CLSTN2: variants seen among roughly 807,000 people sequenced by gnomAD.
The protein encoded by CLSTN2 is calsyntenin 2.
CLSTN2 carries 48 observed loss-of-function variants against 101.2 expected under a neutral mutation model. The ratio of observed to expected loss-of-function variants is 0.47; its 90% CI spans 0.38 to 0.60. The LOEUF is 0.60. CLSTN2 is among the 20% of genes least tolerant of loss of function. The pLI, the probability that CLSTN2 is intolerant of heterozygous loss-of-function variation, is 0.00. For missense variants in CLSTN2, 1,160 were observed against 1,238.2 expected (o/e 0.94, Z 0.95); for synonymous variants, 481 against 463.6 (o/e 1.04, Z -0.48).
chr3:139,947,549 T>C (rs1361551845), intron 1 of CLSTN2, among the ~76,000 whole-genome samples: 1 of 152,214 alleles, frequency 6.6e-6, no homozygotes, highest in African/African-American at 2.4e-5. Flanking sequence ...TATGATGCTT[T>C]TATTTGTGGG....
intron 1 of CLSTN2, among the ~76,000 whole-genome samples, chr3:140,050,910 T>C (rs974925198): frequency 4.6e-4 from 70 of 152,176 alleles, no homozygotes; most frequent in African/African-American, 1.6e-3. Context: ...TTGTTACTGT[T>C]GGGGTTTTGA....
chr3:140,504,541 G>A (rs1305517504), intron 8 of CLSTN2, among the ~76,000 whole-genome samples: 1 of 152,176 alleles, frequency 6.6e-6, no homozygotes, highest in Non-Finnish European at 1.5e-5. Flanking sequence ...GGCCTTCCCA[G>A]TCTTGTTCTA....
chr3:140,160,814 A>G (rs2010033556), intron 1 of CLSTN2, among the ~76,000 whole-genome samples: 1 of 152,238 alleles, frequency 6.6e-6, no homozygotes, highest in South Asian at 2.1e-4. Context: ...ATAGCTTTCA[A>G]AATACACCCA....
intron 2 of CLSTN2, among the ~76,000 whole-genome samples, chr3:140,241,074 G>A (rs943605369): frequency 2.0e-5 from 3 of 152,140 alleles, no homozygotes; most frequent in African/African-American, 7.2e-5. Context: ...GTGACTTGTA[G>A]TTATGGTTCT....
At chr3:140,226,600 G>T (rs565970252) in intron 2 of CLSTN2, among the ~76,000 whole-genome samples, 131 of 152,200 alleles carry the variant, frequency 8.6e-4, no homozygotes, top group South Asian at 1.5e-3. Context: ...TTGGAAAAAA[G>T]ATGTTAGAAA....
At chr3:140,479,711 C>A (rs886665807) in intron 8 of CLSTN2, among the ~76,000 whole-genome samples, 1 of 151,946 alleles carries the variant, frequency 6.6e-6, no homozygotes, top group African/African-American at 2.4e-5. Context: ...ATATGGATTT[C>A]GCACATAAGA....
chr3:140,329,932 G>A (rs1241803731), intron 2 of CLSTN2, among the ~76,000 whole-genome samples: 1 of 152,248 alleles, frequency 6.6e-6, no homozygotes. Context: ...TGTTCAGGGA[G>A]GAATGGCCCT....
intron 1 of CLSTN2, among the ~76,000 whole-genome samples, chr3:140,163,079 G>C (rs534153830): frequency 6.6e-6 from 1 of 152,260 alleles, no homozygotes; most frequent in South Asian, 2.1e-4. Flanking sequence ...GTGATGATTA[G>C]TTTGTGATAT....
chr3:140,215,334 AG>A (rs1219687855), intron 2 of CLSTN2, among the ~76,000 whole-genome samples: 3 of 152,212 alleles, frequency 2.0e-5, no homozygotes, highest in Non-Finnish European at 2.9e-5. Flanking sequence ...GGGATATGGC[AG>A]GCTCATTCTT....
intron 8 of CLSTN2, among the ~76,000 whole-genome samples, chr3:140,487,832 C>T (rs146433788): frequency 8.5e-5 from 13 of 152,282 alleles, no homozygotes; most frequent in Non-Finnish European, 7.3e-5. Flanking sequence ...GTCACAAATA[C>T]AGGGAACAAT....
At chr3:140,243,333 A>G (rs952805588) in intron 2 of CLSTN2, among the ~76,000 whole-genome samples, 27 of 152,232 alleles carry the variant, frequency 1.8e-4, no homozygotes, top group African/African-American at 6.0e-4. Context: ...ACTTCAGAAA[A>G]GAAACCATTG....
intron 5 of CLSTN2, among the ~76,000 whole-genome samples, chr3:140,446,031 C>T (rs1005935303): frequency 2.2e-4 from 33 of 149,572 alleles, no homozygotes; most frequent in Non-Finnish European, 3.3e-4. Flanking sequence ...TAGGGAACCC[C>T]AAGTAGAAGA....
intron 2 of CLSTN2, among the ~76,000 whole-genome samples, chr3:140,358,212 C>G (rs141833802): frequency 0.012 from 1,814 of 152,178 alleles, 43 homozygotes; most frequent in African/African-American, 0.042. Flanking sequence ...CCAAGCCCCC[C>G]CTCCATCTGT....
At chr3:140,182,196 T>C (rs2010418612) in intron 2 of CLSTN2, among the ~76,000 whole-genome samples, 2 of 152,190 alleles carry the variant, frequency 1.3e-5, no homozygotes, top group African/African-American at 4.8e-5. Flanking sequence ...TAATATTCGG[T>C]TGTATTTTAT....
At chr3:139,981,094 C>G (rs1246642072) in intron 1 of CLSTN2, among the ~76,000 whole-genome samples, 1 of 152,038 alleles carries the variant, frequency 6.6e-6, no homozygotes, top group Non-Finnish European at 1.5e-5. Flanking sequence ...TGTGGGTCAT[C>G]TGCACATATT....
intron 2 of CLSTN2, among the ~76,000 whole-genome samples, chr3:140,359,497 T>C (rs886873647): frequency 6.6e-6 from 1 of 152,224 alleles, no homozygotes; most frequent in Admixed American, 6.5e-5. Context: ...GGAATGGGGC[T>C]TTTGATTCTC....
intron 1 of CLSTN2, among the ~76,000 whole-genome samples, chr3:139,940,346 G>T (rs1405296575): frequency 6.6e-6 from 1 of 152,150 alleles, no homozygotes; most frequent in East Asian, 1.9e-4. Context: ...CTAGTTAGAT[G>T]ATCTTGGACA....
chr3:140,026,145 A>G (rs762930615), intron 1 of CLSTN2, among the ~76,000 whole-genome samples: 3 of 152,146 alleles, frequency 2.0e-5, no homozygotes, highest in Non-Finnish European at 2.9e-5. Context: ...AAACCTCTGC[A>G]CTTTAGTATT....
chr3:140,337,575 A>G (rs2087455633), intron 2 of CLSTN2, among the ~76,000 whole-genome samples: 1 of 152,238 alleles, frequency 6.6e-6, no homozygotes, highest in Non-Finnish European at 1.5e-5. Flanking sequence ...TTCAGGGGAC[A>G]CAGTGCAACA....
Sources: gnomAD v4.1 joint callset for allele counts (sites outside exome capture counted in the v4.1 genomes callset) on GRCh38, gnomAD v4.1.1 for gene constraint, MANE v1.5 for transcripts, NCBI Gene and HGNC (gene_info 2026-07-23, HGNC 2026-07-21) for gene names.